The following FAM241A variants were observed in gnomAD, a reference collection of about 807,000 sequenced individuals.
FAM241A encodes the protein uncharacterized protein FAM241A.
A neutral mutation model predicts 12.2 loss-of-function variants in FAM241A; 7 were observed. That is an observed-to-expected ratio of 0.58 (90% CI 0.33 to 1.08). The LOEUF (loss-of-function observed/expected upper bound fraction) is 1.08, where lower values mean the gene tolerates loss of function less well. Ranked by LOEUF, FAM241A falls within the 50% of genes least tolerant of loss-of-function variation. The pLI is 0.04. For synonymous variants in FAM241A, 74 were observed against 68.2 expected (o/e 1.08, Z -0.42); for missense variants, 161 against 169.7 (o/e 0.95, Z 0.29).
intron 1 of FAM241A, among the ~76,000 whole-genome samples, chr4:112,176,673 T>A (rs1723828786): frequency 6.6e-6 from 1 of 152,332 alleles, no homozygotes; most frequent in East Asian, 1.9e-4. Flanking sequence ...ATTTGGGGTA[T>A]CTTTTAAGAA....
At chr4:112,172,484 C>T (rs1458422193) in intron 1 of FAM241A, among the ~76,000 whole-genome samples, 1 of 152,168 alleles carries the variant, frequency 6.6e-6, no homozygotes, top group Non-Finnish European at 1.5e-5. Context: ...CACACCATAT[C>T]ATTTTTAAAA....
intron 1 of FAM241A, among the ~76,000 whole-genome samples, chr4:112,166,153 TCTC>T (rs774554601): frequency 2.6e-5 from 4 of 151,486 alleles, no homozygotes; most frequent in Non-Finnish European, 5.9e-5. Flanking sequence ...TTCACACCAT[TCTC>T]CTGCCTCAGC....
chr4:112,166,774 AG>A (rs1407954690), intron 1 of FAM241A, among the ~76,000 whole-genome samples: 1 of 152,176 alleles, frequency 6.6e-6, no homozygotes, highest in East Asian at 1.9e-4. Context: ...CTATAAGCAA[AG>A]GAAGATGGAA....
intron 1 of FAM241A, among the ~76,000 whole-genome samples, chr4:112,155,624 A>C (rs998117510): frequency 5.3e-5 from 8 of 152,002 alleles, no homozygotes; most frequent in African/African-American, 1.9e-4. Flanking sequence ...GTTTTGTAGG[A>C]AATGAAAACT....
chr4:112,154,460 G>A (rs990095302), intron 1 of FAM241A, among the ~76,000 whole-genome samples: 10 of 152,002 alleles, frequency 6.6e-5, no homozygotes, highest in African/African-American at 2.4e-4. Flanking sequence ...TAGAGATGGA[G>A]TTTTGCCGTG....
At chr4:112,150,998 A>C (rs1441005376) in intron 1 of FAM241A, among the ~76,000 whole-genome samples, 2 of 152,212 alleles carry the variant, frequency 1.3e-5, no homozygotes, top group Non-Finnish European at 2.9e-5. Context: ...CAGCCTCTGC[A>C]ATTAGAAAAC....
intron 1 of FAM241A, among the ~76,000 whole-genome samples, chr4:112,182,299 G>C (rs182163198): frequency 2.0e-5 from 3 of 152,074 alleles, no homozygotes; most frequent in African/African-American, 7.2e-5. Context: ...AATTGAATCG[G>C]ATGACCTTTT....
At chr4:112,164,731 A>G (rs961165981) in intron 1 of FAM241A, among the ~76,000 whole-genome samples, 1 of 152,248 alleles carries the variant, frequency 6.6e-6, no homozygotes, top group Non-Finnish European at 1.5e-5. Context: ...ACCAGAATAT[A>G]TAAGGAGCTC....
chr4:112,150,637 A>G (rs1260978097), intron 1 of FAM241A, among the ~76,000 whole-genome samples: 5 of 151,674 alleles, frequency 3.3e-5, no homozygotes, highest in Admixed American at 2.6e-4. Flanking sequence ...AAAAAAGAAA[A>G]CAAAATGGGG....
intron 1 of FAM241A, among the ~76,000 whole-genome samples, chr4:112,169,730 C>G (rs546031663): frequency 6.6e-6 from 1 of 152,246 alleles, no homozygotes; most frequent in East Asian, 1.9e-4. Context: ...GAAAACGTAG[C>G]TATGAATTCG....
In FAM241A at chr4:112,190,558, G is replaced by A. The variant is rs547105226; in HGVS notation, c.*3620G>A. 2.0e-5 allele frequency: 3 copies of A among 151,358 alleles called. No homozygotes were observed. The highest frequency in any genetic ancestry group is 2.9e-5 in the Non-Finnish European group (2 of 67,884). 9.4% of individuals were successfully genotyped at this position (151,358 alleles called of 1,614,324 possible). On this transcript the variant is annotated 3_prime_UTR_variant, in exon 2 of 2. Coordinates refer to ENST00000309733, the MANE Select transcript of FAM241A (RefSeq NM_152400.3). ...AAAAAAAAAATACAAAATTAGCTAG[G>A]CGTGGTGGTGCATGCCTGTAATCTC...
chr4:112,186,075 TTAGG>T (rs1349699848), intron 1 of FAM241A, among the ~76,000 whole-genome samples: 2 of 152,088 alleles, frequency 1.3e-5, no homozygotes, highest in Non-Finnish European at 2.9e-5. Flanking sequence ...AAATAATACT[TTAGG>T]TATGTATAAT....
rs1047022530 is a variant in FAM241A, at chr4:112,195,141, G to A, written c.*8203G>A. 1 of 152,206 alleles carries A rather than the reference G, an allele frequency of 6.6e-6. No individual in the cohort carries two copies. The highest frequency in any genetic ancestry group is 2.4e-5 in the African/African-American group (1 of 41,442). 9.4% of individuals were successfully genotyped at this position (152,206 alleles called of 1,614,324 possible). A position where few individuals can be genotyped will look rare whatever the true frequency, so the allele number is the denominator to read the frequency against. On this transcript the variant is annotated 3_prime_UTR_variant, in exon 2 of 2. Coordinates refer to ENST00000309733, the MANE Select transcript of FAM241A (RefSeq NM_152400.3). Reference sequence around the variant, plus strand: ...AGAAATTCTCAAGTATCGAAGCGTGGTGTTTTAGGCTCCAGAAGAAATCCA... The same window carrying A: ...AGAAATTCTCAAGTATCGAAGCGTGATGTTTTAGGCTCCAGAAGAAATCCA...
intron 1 of FAM241A, among the ~76,000 whole-genome samples, chr4:112,171,728 G>GCC (rs1045330732): frequency 5.9e-5 from 9 of 151,948 alleles, no homozygotes; most frequent in Admixed American, 5.9e-4. Context: ...GCATGGTGGC[G>GCC]GGCGCCTGTA....
chr4:112,150,643 T>C (rs954450842), intron 1 of FAM241A, among the ~76,000 whole-genome samples: 1 of 151,034 alleles, frequency 6.6e-6, no homozygotes, highest in African/African-American at 2.4e-5. Context: ...GAAAACAAAA[T>C]GGGGGGTTCA....
rs181535536 is a variant in FAM241A, at chr4:112,188,358, A to G, written c.*1420A>G. 6.6e-6 allele frequency: 1 copy of G among 152,296 alleles called. No homozygotes were observed. The highest frequency in any genetic ancestry group is 1.9e-4 in the East Asian group (1 of 5,186). 9.4% of individuals were successfully genotyped at this position (152,296 alleles called of 1,614,324 possible). A position where few individuals can be genotyped will look rare whatever the true frequency, so the allele number is the denominator to read the frequency against. On this transcript the variant is annotated 3_prime_UTR_variant, in exon 2 of 2. Coordinates refer to ENST00000309733, the MANE Select transcript of FAM241A (RefSeq NM_152400.3). The stretch of plus-strand genomic sequence containing the variant: ...TATTTCTAAACCTCTGTGCATTCTT[A>G]GTGTCTTCTCATTCTGAAACAGAAA...
chr4:112,148,412 T>G (rs1288010788), intron 1 of FAM241A, among the ~76,000 whole-genome samples: 1 of 152,206 alleles, frequency 6.6e-6, no homozygotes, highest in Non-Finnish European at 1.5e-5. Flanking sequence ...TAAGATATTG[T>G]CTGCATCATT....
intron 1 of FAM241A, among the ~76,000 whole-genome samples, chr4:112,175,195 T>C (rs1191393513): frequency 6.6e-6 from 1 of 152,206 alleles, no homozygotes; most frequent in Non-Finnish European, 1.5e-5. Context: ...CAAAAGTAGA[T>C]ATGCTAGCTA....
chr4:112,145,905 C>T (rs1162098104), intron 1 of FAM241A, among the ~76,000 whole-genome samples, 172 bp downstream of exon 1: 1 of 151,534 alleles, frequency 6.6e-6, no homozygotes, highest in Non-Finnish European at 1.5e-5. Context: ...GACGGCGCTC[C>T]CAGGAGGAGC....
Sources: gnomAD v4.1 joint callset for allele counts (sites outside exome capture counted in the v4.1 genomes callset) on GRCh38, gnomAD v4.1.1 for gene constraint, MANE v1.5 for transcripts, NCBI Gene and HGNC (gene_info 2026-07-23, HGNC 2026-07-21) for gene names.